Variants in RPS6KA5 observed in about 807,000 individuals in gnomAD.
RPS6KA5 encodes ribosomal protein S6 kinase alpha-5.
In RPS6KA5, 27 loss-of-function variants were observed where a neutral mutation model predicts 85.5. That is an observed-to-expected ratio of 0.32 (90% CI 0.23 to 0.44). The LOEUF is 0.44. RPS6KA5 is among the 20% of genes least tolerant of loss of function. RPS6KA5 has a pLI of 1.00. For missense variants in RPS6KA5, 811 were observed against 980.9 expected, an observed-to-expected ratio of 0.83 and a Z score of 2.31; for synonymous variants, 334 against 348.2, an observed-to-expected ratio of 0.96 and a Z score of 0.46.
At chr14:90,898,643 T>G (rs781088983) in intron 12 of RPS6KA5, among the ~76,000 whole-genome samples, 2 of 152,182 alleles carry the variant, frequency 1.3e-5, no homozygotes, top group South Asian at 2.1e-4. Flanking sequence ...TGCCTCCAAG[T>G]TGTCTTAAGT....
At chr14:90,968,038 A>G (rs746174538) in intron 3 of RPS6KA5, among the ~76,000 whole-genome samples, 11 of 152,286 alleles carry the variant, frequency 7.2e-5, no homozygotes, top group Non-Finnish European at 1.2e-4. Context: ...TTATTATTTT[A>G]TAATTTTGTA....
At chr14:90,989,945 A>T (rs2140524138) in intron 2 of RPS6KA5, among the ~76,000 whole-genome samples, 1 of 152,324 alleles carries the variant, frequency 6.6e-6, no homozygotes, top group Admixed American at 6.5e-5. Context: ...AAGATTGCAG[A>T]TGTGAAGGAA....
At chr14:90,936,871 A>G (rs942104129) in intron 5 of RPS6KA5, among the ~76,000 whole-genome samples, 5 of 152,176 alleles carry the variant, frequency 3.3e-5, no homozygotes, top group Non-Finnish European at 5.9e-5. Flanking sequence ...ACTGACAGAA[A>G]GGCAGATTTT....
chr14:90,983,827 CTCTCTCTCTCTCTTTCTTTT>C (rs2039931627), intron 2 of RPS6KA5, among the ~76,000 whole-genome samples: 1 of 140,360 alleles, frequency 7.1e-6, no homozygotes, highest in Admixed American at 7.0e-5. Context: ...GTCTCTCTCT[CTCTCTCTCTCTCTTTCTTTT>C]TTTCTTTCTT....
chr14:90,939,521 G>A (rs953292273), intron 5 of RPS6KA5, among the ~76,000 whole-genome samples: 2 of 152,140 alleles, frequency 1.3e-5, no homozygotes, highest in African/African-American at 2.4e-5. Flanking sequence ...AAAAGAAAGA[G>A]GTTTAATGGA....
rs191930267 is a variant in RPS6KA5 at position 90,899,404 on chromosome 14, T to G, written c.1398A>C (p.Gln466His). 53 of 1,613,458 alleles carry G rather than the reference T, an allele frequency of 3.3e-5. No homozygotes were observed. In the East Asian group the frequency reaches 1.1e-3, roughly 34 times the overall value. Residue 466 changes from glutamine (Q) to histidine (H), a missense_variant, in exon 12 of 17, where the codon CAA becomes CAC. This residue lies in a region of RPS6KA5 where 650 missense variants were observed against 793.4 expected (regional missense o/e 0.82). Transcript: ENST00000614987. ...AGAGTTTCAGAGCTGTTATTTCCTT[T>G]TGAGTATTGGCTTCCATCCTGCAAG... ...IISKRMEANT[Q>H]KEITALKLCE...
In RPS6KA5 at chr14:90,946,909, A is replaced by T. The variant is rs190959235; in HGVS notation, c.510+526T>A. Among the ~76,000 whole-genome samples, 124 of 152,328 alleles carry T rather than the reference A, an allele frequency of 8.1e-4. 3 individuals are homozygous for T. Among genetic ancestry groups the T allele is most frequent in the Admixed American group, 8.0e-3 (123 of 15,300 alleles). On this transcript the variant is annotated intron_variant, in intron 4 of 16. Coordinates refer to ENST00000614987, the MANE Select transcript of RPS6KA5 (RefSeq NM_004755.4). ...TGAATTCCATTTAAAGTTTTTTAGT[A>T]AGAGTTCATCCTACCTGGGGACAAT...
At chr14:90,898,663 T>A (rs1375936196) in intron 12 of RPS6KA5, among the ~76,000 whole-genome samples, 1 of 152,182 alleles carries the variant, frequency 6.6e-6, no homozygotes, top group Non-Finnish European at 1.5e-5. Flanking sequence ...TAGGACTGCA[T>A]CACCCCACCT....
intron 3 of RPS6KA5, among the ~76,000 whole-genome samples, chr14:90,966,092 A>G (rs1249683331): frequency 1.3e-5 from 2 of 152,210 alleles, no homozygotes; most frequent in African/African-American, 4.8e-5. Flanking sequence ...AAAGTTGTAG[A>G]AAGTGATGGG....
chr14:90,912,006 T>C (rs1397854707), intron 7 of RPS6KA5, among the ~76,000 whole-genome samples: 2 of 152,082 alleles, frequency 1.3e-5, no homozygotes, highest in Non-Finnish European at 2.9e-5. Flanking sequence ...CACCATCTTT[T>C]CTCTTCTACC....
intron 1 of RPS6KA5, among the ~76,000 whole-genome samples, chr14:91,024,397 C>A (rs1055416270): frequency 1.3e-5 from 2 of 152,056 alleles, no homozygotes; most frequent in Admixed American, 6.5e-5. Flanking sequence ...TTTTTTTCTA[C>A]ATAATGGTTG....
In RPS6KA5 at chr14:90,868,491, G is replaced by T. The variant is rs1269536240; in HGVS notation, c.*3583C>A. ...CTATATAACAATTATTTTGACATAA[G>T]TGGCATATCAGAATTTAACTTATTT... On this transcript the variant is annotated 3_prime_UTR_variant, in exon 17 of 17. Coordinates refer to ENST00000614987, the MANE Select transcript of RPS6KA5 (RefSeq NM_004755.4). 7.9e-5 allele frequency: 12 copies of T among 152,110 alleles called. No individual in the cohort carries two copies. The highest frequency in any genetic ancestry group is 1.3e-4 in the Non-Finnish European group (9 of 68,014). 9.4% of individuals were successfully genotyped at this position (152,110 alleles called of 1,614,324 possible).
chr14:91,017,260 G>A (rs2041543507), intron 1 of RPS6KA5, among the ~76,000 whole-genome samples: 1 of 152,238 alleles, frequency 6.6e-6, no homozygotes, highest in Non-Finnish European at 1.5e-5. Context: ...TTTTATCATG[G>A]AAGGGGCAGT....
intron 1 of RPS6KA5, among the ~76,000 whole-genome samples, chr14:91,015,262 C>G (rs1174667235): frequency 2.0e-5 from 3 of 151,734 alleles, no homozygotes; most frequent in Non-Finnish European, 4.4e-5. Flanking sequence ...CAGATACATT[C>G]TATCTACACT....
intron 8 of RPS6KA5, among the ~76,000 whole-genome samples, chr14:90,904,209 G>C (rs572662649): frequency 5.3e-5 from 8 of 152,072 alleles, no homozygotes; most frequent in Non-Finnish European, 1.2e-4. Flanking sequence ...TTGGCCTCCC[G>C]AAGTGCTTCA....
intron 5 of RPS6KA5, among the ~76,000 whole-genome samples, chr14:90,942,549 T>A (rs142074013): frequency 1.5e-4 from 23 of 152,336 alleles, no homozygotes; most frequent in African/African-American, 5.3e-4. Context: ...ATTAAAGTTC[T>A]CCAAATGTAA....
rs750134318 is a variant in RPS6KA5 at position 90,943,195 on chromosome 14, CA to C, written c.511-11del. On this transcript the variant is annotated splice_polypyrimidine_tract_variant and intron_variant, in intron 4 of 16. Transcript: ENST00000614987. ...GATATATAATCCCCAACTGCAAAAACAAAGAAATATAAATTTTAAAATAATT... is the reference window on the plus strand; with the variant it reads ...GATATATAATCCCCAACTGCAAAAACAAGAAATATAAATTTTAAAATAATT... 1.9e-5 allele frequency: 26 copies of C among 1,401,536 alleles called. No homozygotes were observed. Among genetic ancestry groups the C allele is most frequent in the Non-Finnish European group, 2.4e-5 (24 of 998,206 alleles). 86.8% of individuals were successfully genotyped at this position (1,401,536 alleles called of 1,614,324 possible). A position where few individuals can be genotyped will look rare whatever the true frequency, so the allele number is the denominator to read the frequency against.
chr14:90,928,699 T>A, intron 5 of RPS6KA5, among the ~76,000 whole-genome samples: 1 of 139,066 alleles, frequency 7.2e-6, no homozygotes, highest in African/African-American at 2.7e-5. Context: ...TTTTAAAAAT[T>A]AAATCAGTAT....
intron 4 of RPS6KA5, among the ~76,000 whole-genome samples, chr14:90,943,421 G>A (rs1344192369): frequency 2.0e-5 from 3 of 151,806 alleles, no homozygotes; most frequent in Non-Finnish European, 1.5e-5. Context: ...TACCTTGTTG[G>A]GTCAGCTTCT....
Sources: gnomAD v4.1 joint callset for allele counts (sites outside exome capture counted in the v4.1 genomes callset) on GRCh38, gnomAD v4.1.1 for gene constraint, gnomAD v4.1.1 regional missense constraint, MANE v1.5 for transcripts, NCBI Gene and HGNC (gene_info 2026-07-23, HGNC 2026-07-21) for gene names.